Variants in CLCN2 observed in about 807,000 individuals in gnomAD.
CLCN2 encodes the protein chloride channel protein 2.
CLCN2 carries 72 observed loss-of-function variants against 108.3 expected under a neutral mutation model. That is an observed-to-expected ratio of 0.66 (90% CI 0.55 to 0.81). CLCN2 has a LOEUF of 0.81. CLCN2 is among the 30% of genes least tolerant of loss of function. The pLI, the probability that CLCN2 is intolerant of heterozygous loss-of-function variation, is 0.00. For synonymous variants in CLCN2, 471 were observed against 467.1 expected (o/e 1.01, Z -0.11); for missense variants, 1,048 against 1,205.2 (o/e 0.87, Z 1.93).
intron 8 of CLCN2, 35 bp downstream of exon 8, chr3:184,357,327 A>G: frequency 1.2e-6 from 2 of 1,613,984 alleles, no homozygotes. Context: ...ACCTGGCACC[A>G]TCTCGGGCTG....
At position 184,355,398 on chromosome 3, in the gene CLCN2, G is replaced by A. The variant is rs201693341; in HGVS notation, c.1302C>T (p.Thr434=). ...WNPPRANVFL[T]LVIFILMKFW... ...CCTTCATGAGAATGAAGATGACCAG[G>A]GTGAGGAAGACGTTGGCACGTGGTG... The change falls in exon 12 of 24, where the codon ACC becomes ACT. Residue 434 remains threonine, a synonymous_variant. Transcript: ENST00000265593. This position sits in a 1 kb window ranked among gnomAD's most constrained non-coding sequence, Gnocchi z 6.3. 6 of 1,613,976 alleles carry A rather than the reference G, an allele frequency of 3.7e-6. No homozygotes were observed. In the African/African-American group the frequency reaches 5.3e-5, roughly 14 times the overall value.
At position 184,354,577 on chromosome 3, in the gene CLCN2, C is replaced by A; in HGVS notation, c.1478G>T (p.Arg493Leu). Residue 493 changes from arginine to leucine, a missense_variant, in exon 14 of 24, where the codon CGG (arginine) becomes CTG (leucine). Coordinates refer to ENST00000265593, the MANE Select transcript of CLCN2 (RefSeq NM_004366.6). ...DGIHTDSSTYRIVPGGYAVVG... is the reference protein window; with the variant it reads ...DGIHTDSSTYLIVPGGYAVVG... Reference sequence around the variant, plus strand: ...CACAGCGTAGCCCCCAGGCACAATCCGGTAGGTGCTGCTGTCCGTATGAAT... The same window carrying A: ...CACAGCGTAGCCCCCAGGCACAATCAGGTAGGTGCTGCTGTCCGTATGAAT... The A allele has an allele frequency of 6.2e-7, 1 of 1,613,160 alleles. No homozygotes were observed. The highest frequency in any genetic ancestry group is 8.5e-7 in the Non-Finnish European group (1 of 1,179,964).
At chr3:184,352,153 TGCC>T (rs769691022) in intron 21 of CLCN2, 36 bp from the exon 22 acceptor site, 10 of 1,593,544 alleles carry the variant, frequency 6.3e-6, no homozygotes, top group Non-Finnish European at 7.7e-6. Context: ...AGGGAGAAGG[TGCC>T]TGTAGCTGAC....
chr3:184,358,637 AG>A (rs1406186372), intron 3 of CLCN2, 44 bp downstream of exon 3: 2 of 1,552,572 alleles, frequency 1.3e-6, no homozygotes, highest in Non-Finnish European at 8.7e-7. Context: ...GCATGGACGC[AG>A]GAGGTTTATT....
At chr3:184,360,547 A>T (rs1479111807) in intron 1 of CLCN2, among the ~76,000 whole-genome samples, 1 of 152,080 alleles carries the variant, frequency 6.6e-6, no homozygotes, top group Non-Finnish European at 1.5e-5. Flanking sequence ...CCAGACTTAT[A>T]GCCTCTCCTC....
chr3:184,349,801 A>C (rs1319921651), intron 22 of CLCN2, among the ~76,000 whole-genome samples: 3 of 152,222 alleles, frequency 2.0e-5, no homozygotes, highest in African/African-American at 7.2e-5. Flanking sequence ...GCAAGCCAGC[A>C]TGTGGCAGAG....
chr3:184,355,726 G>A lies in CLCN2; in HGVS notation c.1138C>T (p.Pro380Ser). The A allele has an allele frequency of 6.2e-7, 1 of 1,614,206 alleles. No homozygotes were observed. The highest frequency in any genetic ancestry group is 8.5e-7 in the Non-Finnish European group (1 of 1,180,030). The change falls in exon 11 of 24, where the codon CCC (proline) becomes TCC (serine). Residue 380 changes from proline (P) to serine (S), a missense_variant. Physicochemically the swap from Pro to Ser is moderately conservative, Grantham distance 74. Transcript: ENST00000265593. The surrounding 1 kb of genome is among the most constrained non-coding windows in gnomAD (Gnocchi z 6.3). The stretch of plus-strand genomic sequence containing the variant: ...GCCATGAACTGTCCAAAGCCAGGGG[G>A]GAAGGTCAGCGTGGAGATGAGCAGG... ...VTLLISTLTF[P>S]PGFGQFMAGQ... is the part of the protein sequence containing the mutation.
intron 1 of CLCN2, 123 bp from the exon 2 acceptor site, chr3:184,359,254 C>G (rs1476547762): frequency 8.2e-6 from 10 of 1,219,632 alleles, no homozygotes; most frequent in Non-Finnish European, 1.1e-5. Context: ...CTTGAACGCA[C>G]AGTTCCCACT....
At chr3:184,356,696 G>T in intron 10 of CLCN2, 1 of 428,754 alleles carries the variant, frequency 2.3e-6, no homozygotes, top group Non-Finnish European at 4.3e-6. Context: ...GGGGGAACCT[G>T]AGGCTCAAAC....
In CLCN2 at chr3:184,357,864, G is replaced by A; in HGVS notation, c.616-8C>T. 1 of 1,613,800 alleles carries A rather than the reference G, an allele frequency of 6.2e-7. No homozygotes were observed. Among genetic ancestry groups the A allele is most frequent in the South Asian group, 1.1e-5 (1 of 91,088 alleles). On this transcript the variant is annotated splice_region_variant and splice_polypyrimidine_tract_variant and intron_variant, in intron 5 of 23. Transcript: ENST00000265593. ...GATATGCACAAAAGGGCCCTGCGGG[G>A]TGGGGCAGGCGGTGAGTCGGGAGGG...
intron 3 of CLCN2, 114 bp downstream of exon 3, chr3:184,358,568 G>A (rs1711578702): frequency 7.1e-7 from 1 of 1,411,638 alleles, no homozygotes; most frequent in African/African-American, 1.4e-5. Flanking sequence ...AGACTGGCTG[G>A]GGAAAGTGGT....
rs1347414243 is a variant in CLCN2, at chr3:184,353,272, G to A, written c.2006C>T (p.Pro669Leu). Reference sequence around the variant, plus strand: ...CACCTGGAAGCAGACAGAAGCCTCAGGGGTAGGGGGACCCTCCTGATCAGA... The same window carrying A: ...CACCTGGAAGCAGACAGAAGCCTCAAGGGTAGGGGGACCCTCCTGATCAGA... Reference protein sequence around the residue: ...PLSDQEGPPTPEASVCFQVNT... With the variant: ...PLSDQEGPPTLEASVCFQVNT... The change falls in exon 17 of 24, where the codon CCT becomes CTT. Residue 669 changes from proline (P) to leucine (L), a missense_variant. Physicochemically the swap from Pro to Leu is moderately conservative, Grantham distance 98. Transcript: ENST00000265593. 19 of 1,614,070 alleles carry A rather than the reference G, an allele frequency of 1.2e-5. No individual in the cohort carries two copies. Among genetic ancestry groups the A allele is most frequent in the Non-Finnish European group, 1.6e-5 (19 of 1,180,014 alleles).
chr3:184,353,902 CG>C, intron 15 of CLCN2, 107 bp from the exon 16 acceptor site: 2 of 1,525,404 alleles, frequency 1.3e-6, no homozygotes, highest in Non-Finnish European at 1.8e-6. Flanking sequence ...TCCATGGGGA[CG>C]GGAGCTAAGG....
Position 184,355,309 on chromosome 3 carries a change from T to G in CLCN2, c.1326+65A>C. On this transcript the variant is annotated intron_variant, in intron 12 of 23. Coordinates refer to ENST00000265593, the MANE Select transcript of CLCN2 (RefSeq NM_004366.6). The surrounding 1 kb of genome is among the most constrained non-coding windows in gnomAD (Gnocchi z 6.3). ...TGGAGAGGCTTCGAGGAGTGAGCACTGCGTGGCAGGTGCTTAGAAGGGCAA... is the reference window on the plus strand; with the variant it reads ...TGGAGAGGCTTCGAGGAGTGAGCACGGCGTGGCAGGTGCTTAGAAGGGCAA... The G allele has an allele frequency of 1.3e-6, 2 of 1,543,082 alleles. No homozygotes were observed. Among genetic ancestry groups the G allele is most frequent in the South Asian group, 2.2e-5 (2 of 89,516 alleles).
intron 19 of CLCN2, 79 bp from the exon 20 acceptor site, chr3:184,352,575 A>C: frequency 6.6e-7 from 1 of 1,516,842 alleles, no homozygotes; most frequent in Non-Finnish European, 9.1e-7. Flanking sequence ...GAAGTGGTGG[A>C]GCCCAGGGGA....
At chr3:184,360,473 C>T (rs1205993388) in intron 1 of CLCN2, among the ~76,000 whole-genome samples, 1 of 152,074 alleles carries the variant, frequency 6.6e-6, no homozygotes, top group Admixed American at 6.5e-5. Context: ...TCTACCCTTG[C>T]TCTACTCCCA....
intron 1 of CLCN2, among the ~76,000 whole-genome samples, chr3:184,360,805 A>C (rs138923891): frequency 6.6e-6 from 1 of 152,202 alleles, no homozygotes; most frequent in Non-Finnish European, 1.5e-5. Flanking sequence ...ACCCCGCATC[A>C]GCATAGACAA....
intron 22 of CLCN2, among the ~76,000 whole-genome samples, chr3:184,350,729 G>A (rs992969753): frequency 6.6e-6 from 1 of 152,094 alleles, no homozygotes; most frequent in Non-Finnish European, 1.5e-5. Flanking sequence ...AAGCCACTGC[G>A]CCAGTTCTGC....
intron 16 of CLCN2, 43 bp downstream of exon 16, chr3:184,353,619 C>T: frequency 1.2e-6 from 2 of 1,609,976 alleles, no homozygotes; most frequent in Non-Finnish European, 1.7e-6. Context: ...AAGCTTCGAC[C>T]CTGGGCAATG....
Sources: gnomAD v4.1 joint callset for allele counts (sites outside exome capture counted in the v4.1 genomes callset) on GRCh38, gnomAD v4.1.1 for gene constraint, Gnocchi (gnomAD v3.1) non-coding constraint, MANE v1.5 for transcripts, NCBI Gene and HGNC (gene_info 2026-07-23, HGNC 2026-07-21) for gene names.